Variants in ATP8B1 observed in about 807,000 individuals in gnomAD.
The protein encoded by ATP8B1 is ATPase phospholipid transporting 8B1.
A neutral mutation model predicts 149.9 loss-of-function variants in ATP8B1; 80 were observed. The ratio of observed to expected loss-of-function variants is 0.53; its 90% CI spans 0.45 to 0.64. The LOEUF (loss-of-function observed/expected upper bound fraction) is 0.64. Among genes scored for constraint, ATP8B1 ranks in the 30% least tolerant of loss-of-function variants. The pLI is 0.00. For synonymous variants in ATP8B1, 536 were observed against 562.8 expected (o/e 0.95, Z 0.67); for missense variants, 1,247 against 1,552.6 (o/e 0.80, Z 3.31).
chr18:57,656,772 G>C (rs1305183180), intron 22 of ATP8B1, among the ~76,000 whole-genome samples: 1 of 145,826 alleles, frequency 6.9e-6, no homozygotes, highest in Non-Finnish European at 1.5e-5. Context: ...TGGAGGGAGA[G>C]AATGGGGGGA....
chr18:57,648,779 G>T, intron 27 of ATP8B1, 67 bp from the exon 28 acceptor site: 1 of 1,493,156 alleles, frequency 6.7e-7, no homozygotes, highest in Non-Finnish European at 9.1e-7. Context: ...CTGGCCAGAC[G>T]GTTGACAGAA....
chr18:57,666,852 G>A (rs1232197012), intron 20 of ATP8B1, among the ~76,000 whole-genome samples: 1 of 152,146 alleles, frequency 6.6e-6, no homozygotes, highest in Non-Finnish European at 1.5e-5. Flanking sequence ...GAGAAGGAAT[G>A]GAGAAAAATG....
chr18:57,702,521 T>A (rs945635363), intron 4 of ATP8B1, among the ~76,000 whole-genome samples: 2 of 152,224 alleles, frequency 1.3e-5, no homozygotes, highest in Non-Finnish European at 2.9e-5. Context: ...AGAAGCTGCC[T>A]ACGGCTATTA....
At chr18:57,671,692 G>A (rs1203539484) in intron 16 of ATP8B1, 112 bp from the exon 17 acceptor site, 9 of 757,088 alleles carry the variant, frequency 1.2e-5, no homozygotes, top group African/African-American at 8.7e-5. Flanking sequence ...GTTCAGTATC[G>A]GCTCACTGTA....
intron 2 of ATP8B1, among the ~76,000 whole-genome samples, chr18:57,707,884 T>C (rs1418333627): frequency 6.6e-6 from 1 of 150,978 alleles, no homozygotes; most frequent in African/African-American, 2.4e-5. Flanking sequence ...AGGCCGAGCA[T>C]GGTGGCTCAT....
intron 2 of ATP8B1, among the ~76,000 whole-genome samples, chr18:57,713,935 A>C (rs1171269854): frequency 1.3e-5 from 2 of 152,048 alleles, no homozygotes; most frequent in Non-Finnish European, 2.9e-5. Flanking sequence ...CCTGCCTTGC[A>C]CTTGCTACCA....
At chr18:57,725,393 C>T (rs754107821) in intron 2 of ATP8B1, among the ~76,000 whole-genome samples, 3 of 151,908 alleles carry the variant, frequency 2.0e-5, no homozygotes, top group Non-Finnish European at 2.9e-5. Context: ...AAGAGGACAC[C>T]AGAAAAATGG....
chr18:57,684,240 G>T, intron 14 of ATP8B1, 48 bp from the exon 15 acceptor site: 1 of 1,562,430 alleles, frequency 6.4e-7, no homozygotes, highest in South Asian at 1.1e-5. Context: ...AAATATTTTT[G>T]ACTTAACAAA....
intron 27 of ATP8B1, among the ~76,000 whole-genome samples, chr18:57,649,517 C>T (rs1909460007): frequency 6.6e-6 from 1 of 152,058 alleles, no homozygotes; most frequent in South Asian, 2.1e-4. Flanking sequence ...AAAAGGGAGA[C>T]CCGAGGGATA....
In ATP8B1 at chr18:57,664,501, GAAAAA is replaced by G. The variant is rs532262308; in HGVS notation, c.2286-1891_2286-1887del. ...AGCCTGGGTGACAGAGTCTTTCTAA[GAAAAA>G]AAAAAAAAAAAAAAAGGAAAGGCAA... On this transcript the variant is annotated intron_variant, in intron 20 of 27. Transcript: ENST00000648908. 7.0e-5 allele frequency among the ~76,000 whole-genome samples: 7 copies of G among 99,478 alleles called. No individual in the cohort carries two copies. In the South Asian group the frequency reaches 1.0e-3, roughly 14 times the overall value. 65.3% of individuals were successfully genotyped at this position (99,478 alleles called of 152,430 possible).
intron 8 of ATP8B1, 145 bp downstream of exon 8, chr18:57,697,473 G>A (rs369901391): frequency 8.6e-5 from 74 of 859,702 alleles, no homozygotes; most frequent in East Asian, 3.7e-4. Flanking sequence ...TCACAGAGGC[G>A]CAAAGGTGAG....
At chr18:57,681,108 C>T (rs1370024595) in intron 15 of ATP8B1, among the ~76,000 whole-genome samples, 1 of 152,138 alleles carries the variant, frequency 6.6e-6, no homozygotes, top group Non-Finnish European at 1.5e-5. Flanking sequence ...ATTAGATGAG[C>T]TTAGGACAGA....
chr18:57,693,867 C>T (rs1912668140), intron 11 of ATP8B1, among the ~76,000 whole-genome samples: 1 of 152,252 alleles, frequency 6.6e-6, no homozygotes, highest in Non-Finnish European at 1.5e-5. Context: ...CTGGTATAGA[C>T]AACATTTCAC....
intron 1 of ATP8B1, among the ~76,000 whole-genome samples, chr18:57,751,586 G>C (rs1008194424): frequency 6.6e-6 from 1 of 152,098 alleles, no homozygotes; most frequent in Admixed American, 6.6e-5. Context: ...GATCTACAAG[G>C]CTTCCAGATT....
chr18:57,664,631 A>G (rs1338651907), intron 20 of ATP8B1, among the ~76,000 whole-genome samples: 1 of 152,006 alleles, frequency 6.6e-6, no homozygotes, highest in Admixed American at 6.6e-5. Context: ...TCAGTGCTTT[A>G]TATCAACAAA....
In ATP8B1 at chr18:57,697,798, A is replaced by G. The variant is rs1173743067; in HGVS notation, c.624T>C (p.Val208=). ...DVIRLKKNDF[V]PADILLLSSS... ...GAAGCAGAATTTGTTCACTTACTGG[A>G]ACAAAATCATTTTTTTTCAGACGAA... The change falls in exon 7 of 28, where the codon GTT becomes GTC. Residue 208 remains valine, a synonymous_variant. Coordinates refer to ENST00000648908, the MANE Select transcript of ATP8B1 (RefSeq NM_001374385.1). 6.2e-7 allele frequency: 1 copy of G among 1,613,930 alleles called. No homozygotes were observed. The highest frequency in any genetic ancestry group is 8.5e-7 in the Non-Finnish European group (1 of 1,179,936).
chr18:57,767,311 C>T (rs1391402300), intron 1 of ATP8B1, among the ~76,000 whole-genome samples: 1 of 152,200 alleles, frequency 6.6e-6, no homozygotes, highest in Non-Finnish European at 1.5e-5. Flanking sequence ...AACCCAAGCT[C>T]CATTTCCTCA....
At chr18:57,716,528 GGAT>G (rs2079585248) in intron 2 of ATP8B1, among the ~76,000 whole-genome samples, 1 of 151,798 alleles carries the variant, frequency 6.6e-6, no homozygotes, top group Non-Finnish European at 1.5e-5. Flanking sequence ...AAAAAGAACA[GGAT>G]ACCTATATTT....
At chr18:57,670,333 CT>C (rs1312173372) in intron 17 of ATP8B1, among the ~76,000 whole-genome samples, 1 of 149,256 alleles carries the variant, frequency 6.7e-6, no homozygotes, top group Non-Finnish European at 1.5e-5. Flanking sequence ...CAAACATTTT[CT>C]TTTTTTTTCT....
Sources: gnomAD v4.1 joint callset for allele counts (sites outside exome capture counted in the v4.1 genomes callset) on GRCh38, gnomAD v4.1.1 for gene constraint, MANE v1.5 for transcripts, NCBI Gene and HGNC (gene_info 2026-07-23, HGNC 2026-07-21) for gene names.